The following POC5 variants were observed in gnomAD, a reference collection of about 807,000 sequenced individuals.
The protein encoded by POC5 is centrosomal protein POC5.
POC5 carries 48 observed loss-of-function variants against 62.9 expected under a neutral mutation model. That is an observed-to-expected ratio of 0.76 (90% CI 0.61 to 0.97). The LOEUF (loss-of-function observed/expected upper bound fraction) is 0.97. Among genes scored for constraint, POC5 ranks in the 50% least tolerant of loss-of-function variants. POC5 has a pLI of 0.00. For synonymous variants in POC5, 236 were observed against 228.2 expected (o/e 1.03, Z -0.31); for missense variants, 696 against 679.5 (o/e 1.02, Z -0.27).
intron 10 of POC5, among the ~76,000 whole-genome samples, chr5:75,678,574 G>A (rs1775762173): frequency 6.6e-6 from 1 of 150,670 alleles, no homozygotes; most frequent in African/African-American, 2.4e-5. Context: ...ATGCTTCTGT[G>A]TTCTGCCTTT....
At chr5:75,691,946 A>C (rs1776354635) in intron 7 of POC5, among the ~76,000 whole-genome samples, 1 of 152,098 alleles carries the variant, frequency 6.6e-6, no homozygotes, top group South Asian at 2.1e-4. Flanking sequence ...TCTGACTCTC[A>C]CTCTAAGGCA....
intron 9 of POC5, among the ~76,000 whole-genome samples, chr5:75,688,630 ATACT>A (rs756659670): frequency 6.6e-6 from 1 of 152,238 alleles, no homozygotes. Context: ...TAGATAACAA[ATACT>A]TACCAAAATA....
intron 6 of POC5, among the ~76,000 whole-genome samples, chr5:75,693,184 CTAA>C (rs3041695): frequency 0.16 from 23,352 of 147,760 alleles, 2,172 homozygotes; most frequent in South Asian, 0.21. Flanking sequence ...TTATATATAA[CTAA>C]TGTTATTAAT....
At chr5:75,676,937 C>T (rs1229560115) in intron 11 of POC5, among the ~76,000 whole-genome samples, 2 of 152,032 alleles carry the variant, frequency 1.3e-5, no homozygotes, top group South Asian at 2.1e-4. Flanking sequence ...ATTGTTGATT[C>T]GTACACATTT....
chr5:75,702,799 C>T lies in POC5; in HGVS notation c.319G>A (p.Val107Met). 6.4e-7 allele frequency: 1 copy of T among 1,571,484 alleles called. No individual in the cohort carries two copies. Among genetic ancestry groups the T allele is most frequent in the Middle Eastern group, 1.7e-4 (1 of 6,042 alleles). The change falls in exon 5 of 12, where the codon GTG becomes ATG. Residue 107 changes from valine to methionine, a missense_variant. Val to Met is a conservative substitution (Grantham distance 21). Transcript: ENST00000428202. ...TGAGAAGGCTTCCTTGGCGATAACA[C>T]TGGTGATGACTCTGAATAAAAGAAA... ...SHSKTDESSPVLSPRKPSHPV... is the reference protein window; with the variant it reads ...SHSKTDESSPMLSPRKPSHPV...
chr5:75,676,344 C>T (rs543782600), intron 11 of POC5, among the ~76,000 whole-genome samples: 6 of 152,236 alleles, frequency 3.9e-5, no homozygotes, highest in East Asian at 1.9e-4. Flanking sequence ...AAGTCTTCTA[C>T]GAACTTTCAG....
chr5:75,701,557 C>A (rs1458506831), intron 5 of POC5, among the ~76,000 whole-genome samples: 5 of 122,372 alleles, frequency 4.1e-5, no homozygotes, highest in African/African-American at 1.6e-4. Context: ...ACATCACACT[C>A]TGGGGACTGT....
chr5:75,674,392 A>G lies in POC5; in HGVS notation c.*43T>C. The stretch of plus-strand genomic sequence containing the variant: ...AACCAAAAGACTTCTAACCCTTGGT[A>G]AGACCAGAGGGATTAAAAGACCCCA... On this transcript the variant is annotated 3_prime_UTR_variant, in exon 12 of 12. Coordinates refer to ENST00000428202, the MANE Select transcript of POC5 (RefSeq NM_001099271.2). 6.3e-7 allele frequency: 1 copy of G among 1,583,340 alleles called. No individual in the cohort carries two copies.
At chr5:75,692,659 T>G (rs1366199639) in intron 6 of POC5, among the ~76,000 whole-genome samples, 159 bp from the exon 7 acceptor site, 2 of 152,134 alleles carry the variant, frequency 1.3e-5, no homozygotes, top group African/African-American at 4.8e-5. Flanking sequence ...ATGGTAAAAC[T>G]TTCTCACATG....
intron 5 of POC5, among the ~76,000 whole-genome samples, 161 bp from the exon 6 acceptor site, chr5:75,694,992 C>T (rs1287331274): frequency 6.6e-6 from 1 of 152,170 alleles, no homozygotes; most frequent in African/African-American, 2.4e-5. Flanking sequence ...GTAAGTTCAA[C>T]AGTCACAGGT....
intron 4 of POC5, 75 bp downstream of exon 4, chr5:75,705,629 C>G: frequency 5.9e-6 from 5 of 849,232 alleles, no homozygotes; most frequent in Non-Finnish European, 8.7e-6. Context: ...AATTATTCCT[C>G]TTACTACATA....
intron 8 of POC5, among the ~76,000 whole-genome samples, chr5:75,690,044 C>A (rs2112116015): frequency 6.6e-6 from 1 of 152,208 alleles, no homozygotes; most frequent in South Asian, 2.1e-4. Flanking sequence ...TGCCACCATA[C>A]CCAGCTAATT....
chr5:75,680,631 A>G (rs1161326739), intron 10 of POC5, among the ~76,000 whole-genome samples: 1 of 152,150 alleles, frequency 6.6e-6, no homozygotes, highest in Non-Finnish European at 1.5e-5. Context: ...AAAGTTGAAA[A>G]TGCATAAGGA....
chr5:75,705,851 C>T, intron 3 of POC5, 64 bp from the exon 4 acceptor site: 1 of 1,020,718 alleles, frequency 9.8e-7, no homozygotes, highest in Non-Finnish European at 1.4e-6. Context: ...TCTAATCACA[C>T]ATAATTTAAG....
chr5:75,707,667 AT>A, intron 3 of POC5, 69 bp downstream of exon 3: 2 of 1,242,226 alleles, frequency 1.6e-6, no homozygotes, highest in Non-Finnish European at 2.3e-6. Flanking sequence ...CATTTTCACA[AT>A]CCTGTCAGTA....
chr5:75,706,730 T>C (rs1260762664), intron 3 of POC5, among the ~76,000 whole-genome samples: 2 of 152,044 alleles, frequency 1.3e-5, no homozygotes, highest in East Asian at 1.9e-4. Context: ...GCTAATTTTT[T>C]TGTAGAGCTA....
intron 9 of POC5, among the ~76,000 whole-genome samples, chr5:75,687,319 C>T (rs1042631446): frequency 3.9e-5 from 6 of 152,058 alleles, no homozygotes; most frequent in African/African-American, 7.2e-5. Flanking sequence ...TGTGAGCGAC[C>T]GCGCCTGGCC....
chr5:75,676,290 C>T (rs1163214195), intron 11 of POC5, among the ~76,000 whole-genome samples: 1 of 152,170 alleles, frequency 6.6e-6, no homozygotes, highest in Non-Finnish European at 1.5e-5. Context: ...TTTATTTCTT[C>T]TCATTTTTGA....
intron 5 of POC5, among the ~76,000 whole-genome samples, chr5:75,698,667 C>G (rs1776719093): frequency 6.6e-6 from 1 of 151,938 alleles, no homozygotes; most frequent in African/African-American, 2.4e-5. Flanking sequence ...ACTAGAAAAG[C>G]AAGAGCAAAC....
Sources: gnomAD v4.1 joint callset for allele counts (sites outside exome capture counted in the v4.1 genomes callset) on GRCh38, gnomAD v4.1.1 for gene constraint, MANE v1.5 for transcripts, NCBI Gene and HGNC (gene_info 2026-07-23, HGNC 2026-07-21) for gene names.